PDGFD: variants seen among roughly 807,000 people sequenced by gnomAD.
PDGFD encodes platelet-derived growth factor D.
Under a neutral mutation model 44.7 loss-of-function variants are expected in PDGFD, and 30 were observed. The observed-to-expected ratio is 0.67, with a 90% CI of 0.50 to 0.91. The LOEUF (loss-of-function observed/expected upper bound fraction) is 0.91. Ranked by LOEUF, PDGFD falls within the 40% of genes least tolerant of loss-of-function variation. The probability of loss-of-function intolerance (pLI) is 0.00; values close to 1 mark genes in which losing one functional copy is unlikely to be tolerated. For missense variants in PDGFD, 445 were observed against 457.8 expected, an observed-to-expected ratio of 0.97 and a Z score of 0.25; for synonymous variants, 173 against 168.4, an observed-to-expected ratio of 1.03 and a Z score of -0.21.
intron 1 of PDGFD, chr11:104,037,983 A>C: frequency 6.2e-7 from 1 of 1,613,812 alleles, no homozygotes; most frequent in Non-Finnish European, 8.5e-7. Context: ...TTACACATTC[A>C]GTCATGGATT....
intron 1 of PDGFD, chr11:104,038,044 G>A (rs1412533247): frequency 1.7e-5 from 26 of 1,574,046 alleles, no homozygotes; most frequent in Non-Finnish European, 2.2e-5. Flanking sequence ...CCACCTTGAG[G>A]GAGCCTCAGG....
At chr11:104,112,999 T>A (rs756256110) in intron 1 of PDGFD, among the ~76,000 whole-genome samples, 2 of 152,012 alleles carry the variant, frequency 1.3e-5, no homozygotes, top group African/African-American at 2.4e-5. Flanking sequence ...ACCTATGTAA[T>A]AAACCTGCAC....
chr11:103,917,239 C>T (rs564864628), intron 6 of PDGFD, among the ~76,000 whole-genome samples: 11 of 151,920 alleles, frequency 7.2e-5, no homozygotes, highest in Non-Finnish European at 1.3e-4. Flanking sequence ...ATATTAATAC[C>T]TGTGTATCAA....
intron 1 of PDGFD, among the ~76,000 whole-genome samples, chr11:104,128,924 C>T (rs1861877965): frequency 6.6e-6 from 1 of 152,068 alleles, no homozygotes; most frequent in Non-Finnish European, 1.5e-5. Flanking sequence ...ATATTGAATT[C>T]AGAAATTAAA....
chr11:104,028,711 T>C (rs1387170584), intron 1 of PDGFD, among the ~76,000 whole-genome samples: 1 of 149,492 alleles, frequency 6.7e-6, no homozygotes, highest in Non-Finnish European at 1.5e-5. Context: ...AAAAAAACAC[T>C]GCAGTAAGAA....
At chr11:104,137,343 A>G (rs1197858563) in intron 1 of PDGFD, among the ~76,000 whole-genome samples, 1 of 151,558 alleles carries the variant, frequency 6.6e-6, no homozygotes, top group East Asian at 1.9e-4. Flanking sequence ...CATACATTCA[A>G]TCTATGAGAA....
intron 1 of PDGFD, among the ~76,000 whole-genome samples, chr11:104,109,607 G>A (rs1464149319): frequency 6.6e-6 from 1 of 152,024 alleles, no homozygotes; most frequent in African/African-American, 2.4e-5. Flanking sequence ...AATATTTGTT[G>A]CAATTTGTAA....
intron 1 of PDGFD, among the ~76,000 whole-genome samples, chr11:104,161,586 C>T (rs1466833727): frequency 6.6e-6 from 1 of 152,122 alleles, no homozygotes; most frequent in Admixed American, 6.6e-5. Flanking sequence ...TCTTTTTAGA[C>T]TTCTTTTCTG....
chr11:103,944,350 G>C (rs929479475), intron 4 of PDGFD, among the ~76,000 whole-genome samples: 3 of 152,066 alleles, frequency 2.0e-5, no homozygotes, highest in Non-Finnish European at 4.4e-5. Context: ...CAACATCATT[G>C]AAAGCCTGGA....
At chr11:104,006,644 G>C (rs1002809615) in intron 1 of PDGFD, among the ~76,000 whole-genome samples, 5 of 152,160 alleles carry the variant, frequency 3.3e-5, no homozygotes, top group Admixed American at 6.5e-5. Context: ...CAGATGAGGA[G>C]GAGACGAACA....
intron 1 of PDGFD, among the ~76,000 whole-genome samples, chr11:104,016,189 C>T (rs1859856178): frequency 6.6e-6 from 1 of 152,112 alleles, no homozygotes; most frequent in African/African-American, 2.4e-5. Context: ...CACAGGAAGT[C>T]AGGAGGTAGA....
intron 1 of PDGFD, among the ~76,000 whole-genome samples, chr11:104,087,651 T>C (rs1302040002): frequency 1.3e-5 from 2 of 152,212 alleles, no homozygotes; most frequent in East Asian, 3.9e-4. Flanking sequence ...GCAAGCCAAT[T>C]CCTTACATTT....
At chr11:103,995,075 CT>C (rs1487383173) in intron 3 of PDGFD, among the ~76,000 whole-genome samples, 2 of 151,974 alleles carry the variant, frequency 1.3e-5, no homozygotes, top group African/African-American at 4.8e-5. Flanking sequence ...GAGATAGGGT[CT>C]TGCTTTGTTG....
chr11:104,151,289 T>C (rs889039079), intron 1 of PDGFD, among the ~76,000 whole-genome samples: 25 of 152,300 alleles, frequency 1.6e-4, no homozygotes, highest in African/African-American at 5.8e-4. Context: ...TCAATCAATA[T>C]TTCTAAATTG....
intron 3 of PDGFD, among the ~76,000 whole-genome samples, chr11:103,964,681 G>A (rs898606078): frequency 1.3e-5 from 2 of 152,156 alleles, no homozygotes; most frequent in African/African-American, 4.8e-5. Context: ...CAGAGACAAT[G>A]GATCATTTGG....
At chr11:104,163,549 T>G (rs1333025437) in intron 1 of PDGFD, among the ~76,000 whole-genome samples, 1 of 151,842 alleles carries the variant, frequency 6.6e-6, no homozygotes, top group African/African-American at 2.4e-5. Context: ...CCAAAATGAC[T>G]TCTCTAGGGT....
At chr11:103,989,547 TA>T (rs1254493752) in intron 3 of PDGFD, among the ~76,000 whole-genome samples, 1 of 152,190 alleles carries the variant, frequency 6.6e-6, no homozygotes. Flanking sequence ...ATGAAAACTT[TA>T]ATAGAGTTCA....
chr11:104,067,977 A>G (rs1860816420), intron 1 of PDGFD, among the ~76,000 whole-genome samples: 1 of 152,190 alleles, frequency 6.6e-6, no homozygotes. Flanking sequence ...GTGAAATTGC[A>G]GCGAAAATTT....
At chr11:104,087,021 C>CTTTTTTTT (rs528848924) in intron 1 of PDGFD, among the ~76,000 whole-genome samples, 23 of 103,198 alleles carry the variant, frequency 2.2e-4, no homozygotes, top group Non-Finnish European at 2.8e-4. Context: ...GGCTCTTAGT[C>CTTTTTTTT]TTTTTTTTTT....
Sources: gnomAD v4.1 joint callset for allele counts (sites outside exome capture counted in the v4.1 genomes callset) on GRCh38, gnomAD v4.1.1 for gene constraint, MANE v1.5 for transcripts, NCBI Gene and HGNC (gene_info 2026-07-23, HGNC 2026-07-21) for gene names.